Variants in CFAP61 observed in about 807,000 individuals in gnomAD.
CFAP61 encodes the protein cilia and flagella associated protein 61.
In CFAP61, 107 loss-of-function variants were observed where a neutral mutation model predicts 135.6. That is an observed-to-expected ratio of 0.79 (90% CI 0.67 to 0.93). The LOEUF is 0.93. CFAP61 is among the 40% of genes least tolerant of loss of function. The pLI, the probability that CFAP61 is intolerant of heterozygous loss-of-function variation, is 0.00. For missense variants in CFAP61, 1,507 were observed against 1,556.2 expected, an observed-to-expected ratio of 0.97 and a Z score of 0.53; for synonymous variants, 575 against 578.5, an observed-to-expected ratio of 0.99 and a Z score of 0.09.
At chr20:20,058,632 G>A (rs1156817630) in intron 2 of CFAP61, among the ~76,000 whole-genome samples, 1 of 152,204 alleles carries the variant, frequency 6.6e-6, no homozygotes, top group Non-Finnish European at 1.5e-5. Context: ...GCCTTAGCAT[G>A]GAATAGAGGG....
intron 25 of CFAP61, among the ~76,000 whole-genome samples, chr20:20,312,261 A>G (rs1326309274): frequency 1.3e-5 from 2 of 152,226 alleles, no homozygotes; most frequent in Non-Finnish European, 2.9e-5. Flanking sequence ...AACAGCTATT[A>G]TAACTGTTAC....
chr20:20,080,251 A>G, intron 6 of CFAP61, among the ~76,000 whole-genome samples: 1 of 152,152 alleles, frequency 6.6e-6, no homozygotes, highest in East Asian at 1.9e-4. Context: ...ATACCTATAT[A>G]TATCTCCATG....
intron 3 of CFAP61, chr20:20,074,003 C>T: frequency 2.6e-6 from 1 of 382,292 alleles, no homozygotes; most frequent in Non-Finnish European, 4.8e-6. Flanking sequence ...GATTTCACTC[C>T]CCTGCAGGCT....
chr20:20,147,002 TG>T (rs2051945371), intron 9 of CFAP61, among the ~76,000 whole-genome samples: 1 of 152,250 alleles, frequency 6.6e-6, no homozygotes, highest in African/African-American at 2.4e-5. Context: ...ATATGATATT[TG>T]CTTTTCCATA....
At chr20:20,226,271 T>C (rs759307132) in intron 17 of CFAP61, 28 of 152,210 alleles carry the variant, frequency 1.8e-4, no homozygotes, top group Non-Finnish European at 3.7e-4. Flanking sequence ...GTATTCCTAT[T>C]TTCACTTACC....
rs776721144 is a variant in CFAP61, at chr20:20,056,679, G to A, written c.26G>A (p.Gly9Glu). MSVLTSPR[G>E]KVEVVHCRRT... The stretch of plus-strand genomic sequence containing the variant: ...ATGTCAGTACTCACTTCTCCAAGAG[G>A]AAAGGTAGAAGTTGTTCATTGCCGA... Residue 9 changes from glycine (G) to glutamate (E), a missense_variant, in exon 2 of 27, where the codon GGA becomes GAA. Coordinates refer to ENST00000245957, the MANE Select transcript of CFAP61 (RefSeq NM_015585.4). 1 of 1,614,104 alleles carries A rather than the reference G, an allele frequency of 6.2e-7. No individual in the cohort carries two copies.
intron 14 of CFAP61, among the ~76,000 whole-genome samples, chr20:20,189,061 T>C (rs8122528): frequency 2.6e-4 from 40 of 152,258 alleles, no homozygotes; most frequent in African/African-American, 9.2e-4. Context: ...TACCACCATT[T>C]ATTTCTTCAT....
At chr20:20,354,951 T>TCTGTCAGAG (rs373036400) in intron 26 of CFAP61, among the ~76,000 whole-genome samples, 9 of 9,852 alleles carry the variant, frequency 9.1e-4, no homozygotes, top group South Asian at 6.9e-3. Flanking sequence ...GTGGTCACAC[T>TCTGTCAGAG]GAGGGGAAGT....
intron 25 of CFAP61, among the ~76,000 whole-genome samples, chr20:20,320,136 G>A (rs913211872): frequency 6.6e-6 from 1 of 151,120 alleles, no homozygotes; most frequent in Non-Finnish European, 1.5e-5. Flanking sequence ...TGCAATGGAG[G>A]GGGGCCTATG....
At chr20:20,304,175 G>A (rs1199343834) in intron 25 of CFAP61, among the ~76,000 whole-genome samples, 2 of 151,946 alleles carry the variant, frequency 1.3e-5, no homozygotes, top group African/African-American at 4.8e-5. Context: ...AGGCTGGCTT[G>A]GATTCCACCT....
At chr20:20,087,237 C>G (rs761964320) in intron 6 of CFAP61, among the ~76,000 whole-genome samples, 1 of 152,072 alleles carries the variant, frequency 6.6e-6, no homozygotes, top group Non-Finnish European at 1.5e-5. Context: ...ATCCCATCAC[C>G]CAGGTACTGA....
chr20:20,233,252 C>A (rs1429160020), intron 18 of CFAP61, among the ~76,000 whole-genome samples: 1 of 152,184 alleles, frequency 6.6e-6, no homozygotes, highest in Non-Finnish European at 1.5e-5. Context: ...TTCAGTGTGG[C>A]CTGTCACTAA....
At position 20,317,600 on chromosome 20, in the gene CFAP61, A is replaced by C. The variant is rs972440648; in HGVS notation, c.3422+19214A>C. On this transcript the variant is annotated intron_variant, in intron 25 of 26. Coordinates refer to ENST00000245957, the MANE Select transcript of CFAP61 (RefSeq NM_015585.4). The stretch of plus-strand genomic sequence containing the variant: ...AGTAATTTGGGGAGAAGAGGGCACC[A>C]AATGCCACCAACGATGCCCCTGCAG... Among the ~76,000 whole-genome samples the C allele has an allele frequency of 1.1e-4, 16 of 152,188 alleles. 1 individual carries two copies. The highest frequency in any genetic ancestry group is 2.9e-5 in the Non-Finnish European group (2 of 68,034).
intron 9 of CFAP61, among the ~76,000 whole-genome samples, chr20:20,156,918 A>G (rs1290936884): frequency 1.3e-5 from 2 of 152,200 alleles, no homozygotes; most frequent in African/African-American, 4.8e-5. Context: ...TTCTTTGCAA[A>G]TTTGGTAAAA....
In CFAP61 at chr20:20,070,884, C is replaced by G; in HGVS notation, c.174C>G (p.Cys58Trp). Residue 58 changes from cysteine to tryptophan, a missense_variant, in exon 3 of 27, where the codon TGC (cysteine) becomes TGG (tryptophan). Physicochemically the swap from Cys to Trp is radical, Grantham distance 215. Coordinates refer to ENST00000245957, the MANE Select transcript of CFAP61 (RefSeq NM_015585.4). ...AGGCCAACCTTGCTGTTACCCTCTG[C>G]AATGACAAGGAGGAGATCATGGCCC... ...LEKANLAVTL[C>W]NDKEEIMAQA... 1.2e-6 allele frequency: 2 copies of G among 1,613,864 alleles called. No individual in the cohort carries two copies. Among genetic ancestry groups the G allele is most frequent in the Non-Finnish European group, 1.7e-6 (2 of 1,179,858 alleles).
At position 20,106,000 on chromosome 20, in the gene CFAP61, CTATATATATATATATATATATA is replaced by C. The variant is rs10523115; in HGVS notation, c.859+7215_859+7236del. ...CTTCGAAAGCTTTAGCTACTCTTGC[CTATATATATATATATATATATA>C]TATATATATATATATATATATATAT... On this transcript the variant is annotated intron_variant, in intron 8 of 26. Coordinates refer to ENST00000245957, the MANE Select transcript of CFAP61 (RefSeq NM_015585.4). Among the ~76,000 whole-genome samples, 59 of 102,652 alleles carry C rather than the reference CTATATATATATATATATATATA, an allele frequency of 5.7e-4. 1 individual carries two copies. Among genetic ancestry groups the C allele is most frequent in the East Asian group, 4.5e-3 (8 of 1,794 alleles). The allele number at this position is 102,652 out of a possible 152,430, so 67.3% of individuals were successfully genotyped here.
At chr20:20,147,776 T>G (rs759428431) in intron 9 of CFAP61, among the ~76,000 whole-genome samples, 4 of 152,064 alleles carry the variant, frequency 2.6e-5, no homozygotes, top group Non-Finnish European at 5.9e-5. Context: ...GGTTTTTTGT[T>G]TTTTTTTTTG....
In CFAP61 at chr20:20,309,175, A is replaced by T. The variant is rs145608741; in HGVS notation, c.3422+10789A>T. Among the ~76,000 whole-genome samples the T allele has an allele frequency of 3.0e-4, 45 of 152,254 alleles. 1 individual carries two copies. The East Asian group carries it at 8.5e-3, about 29-fold the overall frequency. On this transcript the variant is annotated intron_variant, in intron 25 of 26. Transcript: ENST00000245957. ...TCTCCTTCTTTCCCTCCTACACCTG[A>T]GTCTTTATAGGTTTCTTTTTGAGGG...
chr20:20,255,733 G>A (rs1315914339), intron 20 of CFAP61, among the ~76,000 whole-genome samples: 2 of 152,138 alleles, frequency 1.3e-5, no homozygotes, highest in African/African-American at 4.8e-5. Context: ...TGATTACAGG[G>A]GAAAATAAAA....
Sources: gnomAD v4.1 joint callset for allele counts (sites outside exome capture counted in the v4.1 genomes callset) on GRCh38, gnomAD v4.1.1 for gene constraint, MANE v1.5 for transcripts, NCBI Gene and HGNC (gene_info 2026-07-23, HGNC 2026-07-21) for gene names.